Variants in TRIM9 observed in about 807,000 individuals in gnomAD.
TRIM9 encodes E3 ubiquitin-protein ligase TRIM9.
A neutral mutation model predicts 78.3 loss-of-function variants in TRIM9; 26 were observed. That is an observed-to-expected ratio of 0.33 (90% CI 0.24 to 0.46). The LOEUF is 0.46. Ranked by LOEUF, TRIM9 falls within the 20% of genes least tolerant of loss-of-function variation. TRIM9 has a pLI of 1.00. For missense variants in TRIM9, 787 were observed against 1,036.4 expected (o/e 0.76, Z 3.30); for synonymous variants, 398 against 416.5 (o/e 0.96, Z 0.54).
chr14:50,999,953 C>A (rs2054737931), intron 6 of TRIM9, among the ~76,000 whole-genome samples: 1 of 152,166 alleles, frequency 6.6e-6, no homozygotes, highest in South Asian at 2.1e-4. Context: ...TTCTGTCCTG[C>A]CTTCAGAGGG....
chr14:51,066,504 A>C (rs1596302418), intron 1 of TRIM9, among the ~76,000 whole-genome samples: 1 of 152,120 alleles, frequency 6.6e-6, no homozygotes, highest in Admixed American at 6.5e-5. Context: ...CAGTGTCTTT[A>C]CTGGTTCCTC....
intron 11 of TRIM9, among the ~76,000 whole-genome samples, chr14:50,980,781 G>A (rs1309072171): frequency 6.6e-6 from 1 of 152,226 alleles, no homozygotes; most frequent in East Asian, 1.9e-4. Flanking sequence ...GTGAAATGGT[G>A]TGTGTGTTCA....
At position 51,080,650 on chromosome 14, in the gene TRIM9, A is replaced by G. The variant is rs180787077; in HGVS notation, c.822+13468T>C. Among the ~76,000 whole-genome samples the G allele has an allele frequency of 1.3e-4, 20 of 152,260 alleles. No individual in the cohort carries two copies. The East Asian group carries it at 3.3e-3, about 25-fold the overall frequency. On this transcript the variant is annotated intron_variant, in intron 1 of 12. Transcript: ENST00000684578. ...ATGATCTTCAAGATCCAGTGTCCCA[A>G]TTCTATCCATTTATAACTCTCAACT... is the stretch of plus-strand genomic sequence containing the variant.
intron 1 of TRIM9, among the ~76,000 whole-genome samples, chr14:51,060,264 A>G (rs1055165683): frequency 6.6e-6 from 1 of 152,218 alleles, no homozygotes; most frequent in Non-Finnish European, 1.5e-5. Context: ...CCTAGCTGTC[A>G]AAGTCTTATA....
At chr14:51,010,646 G>C (rs2056452334) in intron 3 of TRIM9, 152 bp from the exon 4 acceptor site, 1 of 619,006 alleles carries the variant, frequency 1.6e-6, no homozygotes, top group Non-Finnish European at 2.8e-6. Flanking sequence ...AGTGTCTGCT[G>C]GGGATAAGGG....
At position 51,072,014 on chromosome 14, in the gene TRIM9, A is replaced by G. The variant is rs556731895; in HGVS notation, c.822+22104T>C. Reference sequence around the variant, plus strand: ...GAGCAGCACAAGGGAAGTAGAAGGCAGGGAAAGGAAACTTTCCTTTCTTCC... The same window carrying G: ...GAGCAGCACAAGGGAAGTAGAAGGCGGGGAAAGGAAACTTTCCTTTCTTCC... On this transcript the variant is annotated intron_variant, in intron 1 of 12. Coordinates refer to ENST00000684578, the MANE Select transcript of TRIM9 (RefSeq NM_001387360.1). 9.3e-4 allele frequency among the ~76,000 whole-genome samples: 142 copies of G among 152,258 alleles called. 1 individual carries two copies. The South Asian group carries it at 0.027, about 29-fold the overall frequency.
intron 10 of TRIM9, 187 bp from the exon 11 acceptor site, chr14:50,982,290 C>G: frequency 1.6e-6 from 1 of 640,440 alleles, no homozygotes; most frequent in Non-Finnish European, 2.7e-6. Context: ...CAGAAGCAGA[C>G]GGAGGACACA....
At chr14:51,007,066 G>C (rs1187826728) in intron 5 of TRIM9, among the ~76,000 whole-genome samples, 2 of 152,042 alleles carry the variant, frequency 1.3e-5, no homozygotes, top group African/African-American at 4.8e-5. Flanking sequence ...GGGAGGAGAG[G>C]ATTTTGACAG....
chr14:50,983,060 C>A (rs1213592458), intron 9 of TRIM9, 95 bp from the exon 10 acceptor site: 2 of 1,204,202 alleles, frequency 1.7e-6, no homozygotes, highest in African/African-American at 3.0e-5. Context: ...GACTAGTACC[C>A]CAAAAGGACT....
chr14:51,066,087 A>AG (rs1555346991), intron 1 of TRIM9, among the ~76,000 whole-genome samples: 94 of 72,436 alleles, frequency 1.3e-3, no homozygotes, highest in Middle Eastern at 0.014. Context: ...GAAGGAAGGA[A>AG]GGAGGGAGGG....
chr14:51,045,576 C>T (rs147472468), intron 1 of TRIM9, among the ~76,000 whole-genome samples: 58 of 152,228 alleles, frequency 3.8e-4, no homozygotes, highest in Middle Eastern at 3.4e-3. Flanking sequence ...ATTCAAGGAA[C>T]AATGTAGCAT....
intron 5 of TRIM9, among the ~76,000 whole-genome samples, chr14:51,002,068 C>T (rs1197132613): frequency 1.3e-5 from 2 of 152,146 alleles, no homozygotes; most frequent in African/African-American, 4.8e-5. Context: ...CAGTTCTTCA[C>T]ATATAAACTT....
At chr14:51,036,953 C>G (rs960071863) in intron 1 of TRIM9, among the ~76,000 whole-genome samples, 1 of 151,704 alleles carries the variant, frequency 6.6e-6, no homozygotes, top group Non-Finnish European at 1.5e-5. Context: ...TTCTTTTTAC[C>G]TTTTATAGAT....
At position 51,005,278 on chromosome 14, in the gene TRIM9, G is replaced by A. The variant is rs1029957996; in HGVS notation, c.1306+3802C>T. On this transcript the variant is annotated intron_variant, in intron 5 of 12. Coordinates refer to ENST00000684578, the MANE Select transcript of TRIM9 (RefSeq NM_001387360.1). ...TCACACTGTCCTTGCCCATGACCTT[G>A]GTGCATACTCAGGGCTCTTATATTC... 1.6e-4 allele frequency among the ~76,000 whole-genome samples: 24 copies of A among 152,050 alleles called. 1 individual carries two copies. Among genetic ancestry groups the A allele is most frequent in the African/African-American group, 5.8e-4 (24 of 41,370 alleles).
In TRIM9 at chr14:50,981,900, C is replaced by T. The variant is rs1318801754; in HGVS notation, c.2062G>A (p.Val688Met). 3.7e-6 allele frequency: 6 copies of T among 1,614,054 alleles called. No homozygotes were observed. The highest frequency in any genetic ancestry group is 2.2e-5 in the South Asian group (2 of 91,084). ...DPAFGVARMD[V>M]MKDVMLGKDD... ...TTTCCTAACATCACATCCTTCATCACGTCCATGCGAGCCACACCAAAGGCA... is the reference window on the plus strand; with the variant it reads ...TTTCCTAACATCACATCCTTCATCATGTCCATGCGAGCCACACCAAAGGCA... Residue 688 changes from valine to methionine, a missense_variant, in exon 11 of 13, where the codon GTG (valine) becomes ATG (methionine). Physicochemically the swap from Val to Met is conservative, Grantham distance 21. Coordinates refer to ENST00000684578, the MANE Select transcript of TRIM9 (RefSeq NM_001387360.1).
intron 11 of TRIM9, among the ~76,000 whole-genome samples, chr14:50,981,296 C>G (rs775468272): frequency 4.0e-4 from 61 of 152,134 alleles, no homozygotes; most frequent in Admixed American, 1.4e-3. Flanking sequence ...CATCCATAAG[C>G]TTTAGTTTAA....
intron 1 of TRIM9, among the ~76,000 whole-genome samples, chr14:51,066,433 C>T (rs1566631423): frequency 6.6e-6 from 1 of 152,198 alleles, no homozygotes; most frequent in African/African-American, 2.4e-5. Flanking sequence ...CAAACTCCTT[C>T]ACTAGGTTCT....
Position 50,981,791 on chromosome 14 carries a change from G to A in TRIM9, c.2162+9C>T, listed in dbSNP as rs748332881. ...GTGAAGAAGGCTTGGTTTGGGGGCT[G>A]CAGGGTACCTGTTGGTGTGCGAGTT... On this transcript the variant is annotated intron_variant, in intron 11 of 12. Coordinates refer to ENST00000684578, the MANE Select transcript of TRIM9 (RefSeq NM_001387360.1). 1.2e-6 allele frequency: 2 copies of A among 1,613,444 alleles called. No homozygotes were observed. Among genetic ancestry groups the A allele is most frequent in the Non-Finnish European group, 1.7e-6 (2 of 1,179,390 alleles).
intron 1 of TRIM9, among the ~76,000 whole-genome samples, chr14:51,091,532 T>C (rs1018496466): frequency 6.6e-6 from 1 of 152,190 alleles, no homozygotes; most frequent in Non-Finnish European, 1.5e-5. Flanking sequence ...AGAAGTACCA[T>C]TAACTAAAAC....
Sources: allele counts gnomAD v4.1 joint callset (sites outside exome capture counted in the v4.1 genomes callset), GRCh38; gene constraint gnomAD v4.1.1; transcripts MANE v1.5; gene names NCBI Gene and HGNC (gene_info 2026-07-23, HGNC 2026-07-21).